FOXP2: variants seen among roughly 807,000 people sequenced by gnomAD.
FOXP2 encodes forkhead box protein P2.
Under a neutral mutation model 115.8 loss-of-function variants are expected in FOXP2, and 12 were observed. The observed-to-expected ratio is 0.10, with a 90% confidence interval of 0.07 to 0.17. FOXP2 has a LOEUF of 0.17. FOXP2 is among the 10% of genes least tolerant of loss of function. FOXP2 has a pLI of 1.00. For synonymous variants in FOXP2, 328 were observed against 297.7 expected (o/e 1.10, Z -1.05); for missense variants, 629 against 843.5 (o/e 0.75, Z 3.15).
intron 1 of FOXP2, among the ~76,000 whole-genome samples, chr7:114,090,397 G>A (rs548163988): frequency 8.3e-4 from 126 of 151,924 alleles, no homozygotes; most frequent in African/African-American, 2.7e-3. Flanking sequence ...GACCCAAAAT[G>A]TTCTAACCAG....
At chr7:114,174,640 T>C (rs1793239241) in intron 1 of FOXP2, among the ~76,000 whole-genome samples, 1 of 152,030 alleles carries the variant, frequency 6.6e-6, no homozygotes, top group African/African-American at 2.4e-5. Context: ...AACAAGGTAA[T>C]TTATTTATTA....
intron 2 of FOXP2, among the ~76,000 whole-genome samples, chr7:114,337,455 G>A (rs967068985): frequency 6.6e-6 from 1 of 150,982 alleles, no homozygotes; most frequent in African/African-American, 2.4e-5. Flanking sequence ...TAAAATTTTG[G>A]ATTTTTATGC....
chr7:114,254,467 T>C (rs2129170106), intron 1 of FOXP2, among the ~76,000 whole-genome samples: 1 of 152,334 alleles, frequency 6.6e-6, no homozygotes, highest in South Asian at 2.1e-4. Flanking sequence ...CATAGTCCCA[T>C]ATTTCTTGCA....
intron 2 of FOXP2, among the ~76,000 whole-genome samples, chr7:114,392,309 TG>T (rs1486219199): frequency 6.6e-6 from 1 of 152,202 alleles, no homozygotes; most frequent in Admixed American, 6.5e-5. Flanking sequence ...ACAATTGACT[TG>T]GGGGACCAGA....
At position 114,279,197 on chromosome 7, in the gene FOXP2, G is replaced by A. The variant is rs576449938; in HGVS notation, c.-101-8822G>A. Among the ~76,000 whole-genome samples, 5 of 152,198 alleles carry A rather than the reference G, an allele frequency of 3.3e-5. No homozygotes were observed. The South Asian group carries it at 1.0e-3, about 32-fold the overall frequency. On this transcript the variant is annotated intron_variant, in intron 1 of 17. Transcript: ENST00000634411. ...AATATACTGGTGTTACCCTTGAAAC[G>A]TTTTTATAACAAAACATTAACGTGT...
intron 16 of FOXP2, among the ~76,000 whole-genome samples, chr7:114,674,127 A>G (rs1807636442): frequency 6.6e-6 from 1 of 152,254 alleles, no homozygotes; most frequent in Non-Finnish European, 1.5e-5. Flanking sequence ...AGAAAATTTC[A>G]TCACAATTAT....
intron 2 of FOXP2, among the ~76,000 whole-genome samples, chr7:114,515,099 T>C (rs1364178398): frequency 2.0e-5 from 3 of 150,228 alleles, no homozygotes; most frequent in Non-Finnish European, 4.4e-5. Context: ...TGCCACATTT[T>C]CTTAATCCAG....
chr7:114,494,847 A>T (rs1027059749), intron 2 of FOXP2, among the ~76,000 whole-genome samples: 2 of 152,214 alleles, frequency 1.3e-5, no homozygotes, highest in African/African-American at 4.8e-5. Flanking sequence ...TATGCCTGGA[A>T]TGATGCTTAA....
intron 2 of FOXP2, among the ~76,000 whole-genome samples, chr7:114,518,439 C>G (rs977957352): frequency 6.6e-6 from 1 of 151,936 alleles, no homozygotes; most frequent in African/African-American, 2.4e-5. Flanking sequence ...ACAGATACCA[C>G]AGTGTAATAA....
At chr7:114,599,773 A>T (rs1802924270) in intron 3 of FOXP2, among the ~76,000 whole-genome samples, 1 of 152,116 alleles carries the variant, frequency 6.6e-6, no homozygotes, top group Non-Finnish European at 1.5e-5. Flanking sequence ...TGATGAAATT[A>T]TGTCAATTCT....
At chr7:114,348,772 A>T (rs1214452386) in intron 2 of FOXP2, among the ~76,000 whole-genome samples, 1 of 152,126 alleles carries the variant, frequency 6.6e-6, no homozygotes, top group Non-Finnish European at 1.5e-5. Context: ...TGAAATTGTT[A>T]GCTTTGGAAG....
At chr7:114,430,917 A>G (rs1255935821) in intron 2 of FOXP2, among the ~76,000 whole-genome samples, 3 of 151,980 alleles carry the variant, frequency 2.0e-5, no homozygotes, top group South Asian at 2.1e-4. Flanking sequence ...TCCACAACAA[A>G]ATGGTAATAA....
At chr7:114,252,880 A>G (rs1021385313) in intron 1 of FOXP2, among the ~76,000 whole-genome samples, 93 of 151,862 alleles carry the variant, frequency 6.1e-4, no homozygotes, top group South Asian at 2.1e-4. Flanking sequence ...TTTAATTGTG[A>G]TGTTAGGGTG....
At chr7:114,553,720 A>T (rs1472262935) in intron 3 of FOXP2, among the ~76,000 whole-genome samples, 2 of 152,180 alleles carry the variant, frequency 1.3e-5, no homozygotes, top group African/African-American at 4.8e-5. Context: ...GTGTTTGAAT[A>T]CACATAAAAA....
At chr7:114,201,230 G>C (rs77051243) in intron 1 of FOXP2, among the ~76,000 whole-genome samples, 11 of 152,126 alleles carry the variant, frequency 7.2e-5, no homozygotes, top group Non-Finnish European at 1.5e-4. Flanking sequence ...CAACACTTTG[G>C]AAAGCCAACA....
chr7:114,639,853 C>CTGT (rs200865911), intron 6 of FOXP2, among the ~76,000 whole-genome samples: 1 of 152,082 alleles, frequency 6.6e-6, no homozygotes, highest in African/African-American at 2.4e-5. Context: ...GTTTTTGTTT[C>CTGT]TGTTGTTGTT....
chr7:114,406,013 G>T (rs1161781660), intron 2 of FOXP2, among the ~76,000 whole-genome samples: 2 of 151,714 alleles, frequency 1.3e-5, no homozygotes, highest in African/African-American at 4.8e-5. Context: ...AGAAATAACT[G>T]TCAATTTTAG....
chr7:114,328,233 C>CTTTTTTTTTTTTTTT (rs1193894946), intron 2 of FOXP2, among the ~76,000 whole-genome samples: 1 of 129,600 alleles, frequency 7.7e-6, no homozygotes, highest in Non-Finnish European at 1.6e-5. Context: ...CTTTTCTTTT[C>CTTTTTTTTTTTTTTT]TTTTTTTTTT....
At chr7:114,491,016 T>C (rs1315183991) in intron 2 of FOXP2, among the ~76,000 whole-genome samples, 1 of 152,216 alleles carries the variant, frequency 6.6e-6, no homozygotes, top group Non-Finnish European at 1.5e-5. Flanking sequence ...TTTGGGTATA[T>C]ACCCAGTAAT....
Sources: allele counts gnomAD v4.1 joint callset (sites outside exome capture counted in the v4.1 genomes callset), GRCh38; gene constraint gnomAD v4.1.1; transcripts MANE v1.5; gene names NCBI Gene and HGNC (gene_info 2026-07-23, HGNC 2026-07-21).